SMAD4: variants seen among roughly 807,000 people sequenced by gnomAD.
The protein encoded by SMAD4 is SMAD family member 4.
In SMAD4, 7 loss-of-function variants were observed where a neutral mutation model predicts 63.2. The ratio of observed to expected loss-of-function variants is 0.11; its 90% CI spans 0.06 to 0.21. The LOEUF is 0.21. Ranked by LOEUF, SMAD4 falls within the 10% of genes least tolerant of loss-of-function variation. SMAD4 has a pLI of 1.00. For missense variants in SMAD4, 312 were observed against 693.8 expected (o/e 0.45, Z 6.18); for synonymous variants, 215 against 235.4 (o/e 0.91, Z 0.79).
chr18:51,068,310 A>G (rs1340722805), intron 10 of SMAD4, among the ~76,000 whole-genome samples: 4 of 152,210 alleles, frequency 2.6e-5, no homozygotes, highest in South Asian at 2.1e-4. Flanking sequence ...GCACTTTACC[A>G]ATCTTTAATG....
At chr18:51,038,306 C>T (rs972495744) in intron 1 of SMAD4, among the ~76,000 whole-genome samples, 1 of 151,774 alleles carries the variant, frequency 6.6e-6, no homozygotes, top group Non-Finnish European at 1.5e-5. Flanking sequence ...CTGTGTAACT[C>T]ATTGAACCAA....
chr18:51,053,753 G>A (rs989842007), intron 4 of SMAD4: 2 of 151,984 alleles, frequency 1.3e-5, no homozygotes, highest in South Asian at 4.1e-4. Flanking sequence ...GAAAGATAAG[G>A]GAAATGATAT....
chr18:51,067,940 T>C (rs1910208874), intron 10 of SMAD4, among the ~76,000 whole-genome samples: 1 of 152,232 alleles, frequency 6.6e-6, no homozygotes, highest in East Asian at 1.9e-4. Flanking sequence ...GTTTGAATTT[T>C]ACTTTATAAT....
chr18:51,036,693 A>T (rs1909216029), intron 1 of SMAD4, among the ~76,000 whole-genome samples: 1 of 152,222 alleles, frequency 6.6e-6, no homozygotes, highest in Admixed American at 6.5e-5. Context: ...TGTAGACTAG[A>T]TCAATGCTTT....
At chr18:51,057,284 GTTAA>G (rs1424797451) in intron 5 of SMAD4, among the ~76,000 whole-genome samples, 2 of 151,958 alleles carry the variant, frequency 1.3e-5, no homozygotes, top group Non-Finnish European at 2.9e-5. Context: ...TAACAGTCGA[GTTAA>G]TTAATGCTCT....
At chr18:51,066,981 T>G in intron 9 of SMAD4, 38 bp from the exon 10 acceptor site, 1 of 1,498,410 alleles carries the variant, frequency 6.7e-7, no homozygotes, top group Admixed American at 1.7e-5. Context: ...TTTAAAATAC[T>G]TATCAAGATA....
Position 51,079,773 on chromosome 18 carries a change from A to C in SMAD4, c.*1306A>C, listed in dbSNP as rs548358195. Reference sequence around the variant, plus strand: ...GTAGCATAAATAAAACTGAATCTCAACATACAAAGTTGAATTCTAGGTTTG... The same window carrying C: ...GTAGCATAAATAAAACTGAATCTCACCATACAAAGTTGAATTCTAGGTTTG... On this transcript the variant is annotated 3_prime_UTR_variant, in exon 12 of 12. Coordinates refer to ENST00000342988, the MANE Select transcript of SMAD4 (RefSeq NM_005359.6). 1 of 233,258 alleles carries C rather than the reference A, an allele frequency of 4.3e-6. No homozygotes were observed. Among genetic ancestry groups the C allele is most frequent in the Non-Finnish European group, 8.5e-6 (1 of 117,854 alleles). 14.4% of individuals were successfully genotyped at this position (233,258 alleles called of 1,614,324 possible).
At position 51,038,274 on chromosome 18, in the gene SMAD4, AGT is replaced by A. The variant is rs1207796054; in HGVS notation, c.-128+7656_-128+7657del. ...TGTGGGGGGGGGGGCAGTATGAGGA[AGT>A]GTGTCAACACTGGGAAGATCTGTGT... On this transcript the variant is annotated intron_variant, in intron 1 of 11. Transcript: ENST00000342988. Among the ~76,000 whole-genome samples, 31 of 151,826 alleles carry A rather than the reference AGT, an allele frequency of 2.0e-4. No homozygotes were observed. The South Asian group carries it at 2.9e-3, about 14-fold the overall frequency.
intron 1 of SMAD4, among the ~76,000 whole-genome samples, chr18:51,037,215 TTCAGTTA>T (rs1212530002): frequency 1.3e-5 from 2 of 152,230 alleles, no homozygotes; most frequent in Non-Finnish European, 2.9e-5. Flanking sequence ...AAATGTATTT[TTCAGTTA>T]TCAGTTATTA....
At chr18:51,046,300 AG>A (rs1365915636) in intron 1 of SMAD4, among the ~76,000 whole-genome samples, 1 of 152,174 alleles carries the variant, frequency 6.6e-6, no homozygotes, top group Non-Finnish European at 1.5e-5. Context: ...CCATCTCAGT[AG>A]GTATGAAGTA....
chr18:51,040,055 C>A (rs1301860303), intron 1 of SMAD4, among the ~76,000 whole-genome samples: 1 of 152,050 alleles, frequency 6.6e-6, no homozygotes, highest in Non-Finnish European at 1.5e-5. Flanking sequence ...TGTTGGTAAA[C>A]CTAAGTTTAG....
chr18:51,039,839 A>T (rs1431822899), intron 1 of SMAD4, among the ~76,000 whole-genome samples: 1 of 152,186 alleles, frequency 6.6e-6, no homozygotes, highest in East Asian at 1.9e-4. Flanking sequence ...ACACATAGGT[A>T]AACAAGAAGC....
intron 9 of SMAD4, chr18:51,066,704 A>G (rs116895354): frequency 1.4e-5 from 4 of 282,720 alleles, no homozygotes; most frequent in Non-Finnish European, 6.9e-6. Flanking sequence ...GCTAGTGGCT[A>G]TCAATTTGGA....
At chr18:51,035,040 C>A (rs1318599825) in intron 1 of SMAD4, among the ~76,000 whole-genome samples, 2 of 152,218 alleles carry the variant, frequency 1.3e-5, no homozygotes, top group African/African-American at 4.8e-5. Context: ...GCTTTACATT[C>A]TTTAATACAG....
intron 5 of SMAD4, among the ~76,000 whole-genome samples, chr18:51,055,334 A>T (rs1468177544): frequency 6.6e-6 from 1 of 152,168 alleles, no homozygotes; most frequent in Admixed American, 6.5e-5. Flanking sequence ...TGTTAATGGA[A>T]TTGCAACCTT....
chr18:51,078,100 T>C (rs1910514708), intron 11 of SMAD4, among the ~76,000 whole-genome samples, 156 bp from the exon 12 acceptor site: 1 of 152,206 alleles, frequency 6.6e-6, no homozygotes, highest in African/African-American at 2.4e-5. Flanking sequence ...GTTGATAAAG[T>C]TTAGATCTAC....
rs146788816 is a variant in SMAD4, at chr18:51,040,899, T to C, written c.-127-6021T>C. Among the ~76,000 whole-genome samples, 1,251 of 152,354 alleles carry C rather than the reference T, an allele frequency of 8.2e-3. 10 individuals are homozygous for C. Among genetic ancestry groups the C allele is most frequent in the Non-Finnish European group, 0.012 (822 of 68,038 alleles). On this transcript the variant is annotated intron_variant, in intron 1 of 11. Coordinates refer to ENST00000342988, the MANE Select transcript of SMAD4 (RefSeq NM_005359.6). ...TTCTCATCTCTTCAAACTCAAGATA[T>C]CTAAAGCTGAATTTGTTACATACCT...
intron 10 of SMAD4, among the ~76,000 whole-genome samples, chr18:51,075,792 GATAA>G (rs1374541056): frequency 6.6e-6 from 1 of 152,104 alleles, no homozygotes; most frequent in Non-Finnish European, 1.5e-5. Flanking sequence ...CATCCTGAAA[GATAA>G]ATGACTACGG....
intron 4 of SMAD4, chr18:51,049,576 G>A: frequency 2.2e-6 from 1 of 447,968 alleles, no homozygotes; most frequent in Non-Finnish European, 4.0e-6. Context: ...ATATGATAGA[G>A]GAATGCACCA....
Sources: allele counts gnomAD v4.1 joint callset (sites outside exome capture counted in the v4.1 genomes callset), GRCh38; gene constraint gnomAD v4.1.1; transcripts MANE v1.5; gene names NCBI Gene and HGNC (gene_info 2026-07-23, HGNC 2026-07-21).